XIRP2: variants seen among roughly 807,000 people sequenced by gnomAD.
The protein encoded by XIRP2 is xin actin binding repeat containing 2, also known as xin actin-binding repeat-containing protein 2.
A neutral mutation model predicts 277.0 loss-of-function variants in XIRP2; 236 were observed. That is an observed-to-expected ratio of 0.85 (90% CI 0.77 to 0.95). The LOEUF (loss-of-function observed/expected upper bound fraction) is 0.95, where lower values mean the gene tolerates loss of function less well. Ranked by LOEUF, XIRP2 falls within the 40% of genes least tolerant of loss-of-function variation. The pLI, the probability that XIRP2 is intolerant of heterozygous loss-of-function variation, is 0.00. For missense variants in XIRP2, 4,640 were observed against 4,157.5 expected (o/e 1.12, Z -3.19); for synonymous variants, 1,490 against 1,416.5 (o/e 1.05, Z -1.17).
rs574924086 is a variant in XIRP2, at chr2:167,205,878, A to T, written c.563-4857A>T. ...TTTATGTCTACCTTATTGTTTAGGT[A>T]TTATATTTTGAGGGCCTTCATTTTC... On this transcript the variant is annotated intron_variant, in intron 3 of 10. Coordinates refer to ENST00000409195, the MANE Select transcript of XIRP2 (RefSeq NM_152381.6). Among the ~76,000 whole-genome samples, 8 of 152,230 alleles carry T rather than the reference A, an allele frequency of 5.3e-5. No homozygotes were observed. In the South Asian group the frequency reaches 1.5e-3, roughly 28 times the overall value.
intron 2 of XIRP2, among the ~76,000 whole-genome samples, chr2:166,979,376 T>C (rs1046762113): frequency 6.7e-6 from 1 of 148,406 alleles, no homozygotes; most frequent in African/African-American, 2.5e-5. Context: ...TTTCTTTTTT[T>C]TTTTTTTTTT....
intron 2 of XIRP2, among the ~76,000 whole-genome samples, chr2:167,022,731 A>G (rs1688020546): frequency 6.6e-6 from 1 of 151,982 alleles, no homozygotes; most frequent in Non-Finnish European, 1.5e-5. Flanking sequence ...TAGTTTACTG[A>G]GAATGATGCT....
chr2:167,106,718 A>G (rs1392251040), intron 2 of XIRP2, among the ~76,000 whole-genome samples: 1 of 151,628 alleles, frequency 6.6e-6, no homozygotes, highest in Non-Finnish European at 1.5e-5. Flanking sequence ...TTTATCTACA[A>G]AAAGTCTTGC....
At chr2:167,123,308 A>G (rs1691107535) in intron 2 of XIRP2, among the ~76,000 whole-genome samples, 1 of 152,180 alleles carries the variant, frequency 6.6e-6, no homozygotes, top group South Asian at 2.1e-4. Flanking sequence ...ACCGTTATTA[A>G]GAAGTTCTTG....
chr2:166,909,245 C>T (rs79482619), intron 2 of XIRP2, among the ~76,000 whole-genome samples: 45,245 of 152,012 alleles, frequency 0.3, 7,362 homozygotes, highest in East Asian at 0.55. Flanking sequence ...TTCCTATCCA[C>T]GAGCATGGAA....
chr2:167,067,994 T>G (rs1197823386), intron 2 of XIRP2, among the ~76,000 whole-genome samples: 2 of 152,188 alleles, frequency 1.3e-5, no homozygotes, highest in Non-Finnish European at 2.9e-5. Flanking sequence ...CTTCCAGAGC[T>G]TTGCTCCTTT....
chr2:167,011,176 T>C (rs1460868678), intron 2 of XIRP2, among the ~76,000 whole-genome samples: 18 of 150,756 alleles, frequency 1.2e-4, no homozygotes, highest in Non-Finnish European at 4.4e-5. Context: ...GCTTCCAGTT[T>C]TTGCCCATTC....
chr2:167,223,874 T>C (rs1694507364), intron 5 of XIRP2, among the ~76,000 whole-genome samples: 1 of 152,188 alleles, frequency 6.6e-6, no homozygotes, highest in South Asian at 2.1e-4. Flanking sequence ...TAATTGGGGC[T>C]GCTGGCTCTA....
intron 1 of XIRP2, among the ~76,000 whole-genome samples, chr2:166,897,246 T>C (rs917895676): frequency 1.3e-5 from 2 of 152,196 alleles, no homozygotes; most frequent in Admixed American, 1.3e-4. Context: ...TGTAATTCTT[T>C]CTGCACTGTT....
At chr2:167,200,773 G>T (rs993113061) in intron 3 of XIRP2, among the ~76,000 whole-genome samples, 5 of 152,062 alleles carry the variant, frequency 3.3e-5, no homozygotes, top group East Asian at 1.9e-4. Flanking sequence ...ATGCCTAGCC[G>T]ACAGTAGCTG....
intron 2 of XIRP2, among the ~76,000 whole-genome samples, chr2:167,040,469 C>G (rs1370793173): frequency 6.6e-6 from 1 of 152,070 alleles, no homozygotes; most frequent in African/African-American, 2.4e-5. Flanking sequence ...GGAACACCAG[C>G]TGCAGGAGAC....
chr2:167,180,462 G>C (rs535186991), intron 3 of XIRP2, among the ~76,000 whole-genome samples: 1 of 151,868 alleles, frequency 6.6e-6, no homozygotes, highest in Non-Finnish European at 1.5e-5. Flanking sequence ...TTTTATATGT[G>C]CTCTTTTCTG....
chr2:166,928,120 A>G (rs1574085540), intron 2 of XIRP2, among the ~76,000 whole-genome samples: 1 of 152,254 alleles, frequency 6.6e-6, no homozygotes, highest in East Asian at 1.9e-4. Flanking sequence ...CCTTTTGCCT[A>G]TGGCAGAAAA....
At chr2:167,235,469 T>C (rs1694876246) in intron 5 of XIRP2, among the ~76,000 whole-genome samples, 2 of 152,012 alleles carry the variant, frequency 1.3e-5, no homozygotes, top group Admixed American at 6.6e-5. Flanking sequence ...TATTTACCCA[T>C]GTATTTACTC....
chr2:167,115,373 T>G (rs1690870103), intron 2 of XIRP2, among the ~76,000 whole-genome samples: 3 of 152,166 alleles, frequency 2.0e-5, no homozygotes, highest in South Asian at 4.1e-4. Context: ...TTCAACCCAT[T>G]TAAGAATGCT....
intron 6 of XIRP2, among the ~76,000 whole-genome samples, 157 bp downstream of exon 6, chr2:167,240,122 A>G (rs931894674): frequency 2.0e-5 from 3 of 151,924 alleles, no homozygotes; most frequent in Non-Finnish European, 2.9e-5. Context: ...TTCTTTTAAA[A>G]GTAAAATAGG....
intron 2 of XIRP2, among the ~76,000 whole-genome samples, chr2:166,977,625 C>T (rs1037335384): frequency 6.6e-6 from 1 of 152,074 alleles, no homozygotes; most frequent in Admixed American, 6.6e-5. Context: ...GAGATTTAAA[C>T]TTCTACTGCA....
At chr2:167,194,237 A>C (rs544858388) in intron 3 of XIRP2, among the ~76,000 whole-genome samples, 11 of 151,784 alleles carry the variant, frequency 7.2e-5, no homozygotes, top group Admixed American at 1.3e-4. Flanking sequence ...ATGCACCACA[A>C]CACCACCTAA....
intron 2 of XIRP2, among the ~76,000 whole-genome samples, chr2:167,029,590 C>G (rs1371331427): frequency 6.6e-6 from 1 of 152,046 alleles, no homozygotes; most frequent in Admixed American, 6.6e-5. Context: ...TTTTGGTGTG[C>G]TGCTGGAATC....
Sources: gnomAD v4.1 joint callset for allele counts (sites outside exome capture counted in the v4.1 genomes callset) on GRCh38, gnomAD v4.1.1 for gene constraint, MANE v1.5 for transcripts, NCBI Gene and HGNC (gene_info 2026-07-23, HGNC 2026-07-21) for gene names.